PLEC: variants seen among roughly 807,000 people sequenced by gnomAD.
PLEC encodes the protein plectin.
PLEC carries 216 observed loss-of-function variants against 392.8 expected under a neutral mutation model. That is an observed-to-expected ratio of 0.55 (90% confidence interval 0.49 to 0.62). The LOEUF (loss-of-function observed/expected upper bound fraction) is 0.62, where lower values mean the gene tolerates loss of function less well. Ranked by LOEUF, PLEC falls within the 20% of genes least tolerant of loss-of-function variation. PLEC has a pLI of 0.00. For synonymous variants in PLEC, 3,621 were observed against 2,980.6 expected, an observed-to-expected ratio of 1.21 and a Z score of -7.00; for missense variants, 6,863 against 6,563.4, an observed-to-expected ratio of 1.05 and a Z score of -1.58.
intron 1 of PLEC, among the ~76,000 whole-genome samples, chr8:143,959,528 C>T (rs965116277): frequency 6.6e-6 from 1 of 152,260 alleles, no homozygotes; most frequent in African/African-American, 2.4e-5. Context: ...GCTCACCCTC[C>T]CGCTGGCTCT....
intron 12 of PLEC, among the ~76,000 whole-genome samples, chr8:143,933,735 G>A (rs1455629672): frequency 6.6e-5 from 10 of 152,164 alleles, no homozygotes; most frequent in African/African-American, 2.2e-4. Context: ...CTGTCGGGGA[G>A]GGGGCCTGGC....
In PLEC at chr8:143,933,993, C is replaced by T. The variant is rs781963430; in HGVS notation, c.1263+5G>A. On this transcript the variant is annotated splice_donor_5th_base_variant and intron_variant, in intron 12 of 31. Transcript: ENST00000345136. ...CCGCCCACTGCCTGCCCCACACCCCCTCACCGACTGCAGCAGGGCGTCGGC... is the reference window on the plus strand; with the variant it reads ...CCGCCCACTGCCTGCCCCACACCCCTTCACCGACTGCAGCAGGGCGTCGGC... 5 of 1,602,618 alleles carry T rather than the reference C, an allele frequency of 3.1e-6. No individual in the cohort carries two copies. The highest frequency in any genetic ancestry group is 4.2e-6 in the Non-Finnish European group (5 of 1,178,070).
At chr8:143,933,536 G>A (rs1587112290) in intron 12 of PLEC, among the ~76,000 whole-genome samples, 185 bp from the exon 13 acceptor site, 1 of 152,228 alleles carries the variant, frequency 6.6e-6, no homozygotes, top group East Asian at 1.9e-4. Flanking sequence ...GGGGGATTGG[G>A]ACCAAGTCCA....
At chr8:143,945,293 A>T (rs782057668) in intron 1 of PLEC, 1 of 451,526 alleles carries the variant, frequency 2.2e-6, no homozygotes, top group Non-Finnish European at 4.5e-6. Context: ...GGTCCCAGGG[A>T]TCTGGGATGG....
intron 1 of PLEC, chr8:143,944,659 T>A: frequency 7.4e-7 from 1 of 1,342,804 alleles, no homozygotes; most frequent in Non-Finnish European, 9.6e-7. Context: ...GGGCACGATC[T>A]TCATCGGGGA....
Position 143,919,857 on chromosome 8 carries a change from C to T in PLEC, c.9964G>A (p.Val3322Ile). Residue 3322 changes from valine to isoleucine, a missense_variant, in exon 32 of 32, where the codon GTC (valine) becomes ATC (isoleucine). Val to Ile is a conservative substitution (Grantham distance 29, BLOSUM62 3). Transcript: ENST00000345136. ...TGCTCAAACTGGGCTCTGCTGAGGA[C>T]CCCGGAAGCCAGGAGCTCGCTGGCT... is the stretch of plus-strand genomic sequence containing the variant. ...VPASELLASG[V>I]LSRAQFEQLK... 1 of 1,613,142 alleles carries T rather than the reference C, an allele frequency of 6.2e-7. No homozygotes were observed. Among genetic ancestry groups the T allele is most frequent in the South Asian group, 1.1e-5 (1 of 91,086 alleles).
Position 143,916,377 on chromosome 8 carries a change from C to T in PLEC, c.13444G>A (p.Gly4482Ser), listed in dbSNP as rs373807877. The T allele has an allele frequency of 3.8e-5, 61 of 1,610,380 alleles. No individual in the cohort carries two copies. Among genetic ancestry groups the T allele is most frequent in the Admixed American group, 6.7e-5 (4 of 59,938 alleles). ...KGYYSPYSVS[G>S]SGSTAGSRTG... ...CGGGAGCCAGCGGTAGAGCCGGAGC[C>T]GCTGACGCTGTAGGGGCTGTAGTAG... is the stretch of plus-strand genomic sequence containing the variant. Residue 4482 changes from glycine to serine, a missense_variant, in exon 32 of 32, where the codon GGC (glycine) becomes AGC (serine). Gly to Ser is a moderately conservative substitution (Grantham distance 56, BLOSUM62 0). Coordinates refer to ENST00000345136, the MANE Select transcript of PLEC (RefSeq NM_201384.3).
upstream of PLEC, chr8:143,975,234 C>A: frequency 6.2e-7 from 1 of 1,606,144 alleles, no homozygotes. The surrounding 1 kb of genome is among the most constrained non-coding windows in gnomAD (Gnocchi z 9.9). Flanking sequence ...TTGCTCCCAG[C>A]GCCACCCCCG....
rs181221383 is a variant in PLEC at position 143,969,016 on chromosome 8, A to G, written c.70+4387T>C. Among the ~76,000 whole-genome samples the G allele has an allele frequency of 3.3e-5, 5 of 152,364 alleles. No homozygotes were observed. Among genetic ancestry groups the G allele is most frequent in the African/African-American group, 1.2e-4 (5 of 41,580 alleles). On this transcript the variant is annotated intron_variant, in intron 1 of 31. Transcript: ENST00000356346. The surrounding 1 kb of genome is among the most constrained non-coding windows in gnomAD (Gnocchi z 5.1). ...CAATTCCACTCCTAGGTATCTACCC[A>G]GCAGAAATAAAAAACATACGACCAC...
chr8:143,974,995 G>C (rs1330986271), upstream of PLEC, among the ~76,000 whole-genome samples: 1 of 152,198 alleles, frequency 6.6e-6, no homozygotes, highest in African/African-American at 2.4e-5. This position sits in a 1 kb window ranked among gnomAD's most constrained non-coding sequence, Gnocchi z 5.9. Flanking sequence ...GAACCGCCTG[G>C]GCGCGGCCGG....
At position 143,931,850 on chromosome 8, in the gene PLEC, G is replaced by A. The variant is rs1345564279; in HGVS notation, c.2178+87C>T. On this transcript the variant is annotated intron_variant, in intron 18 of 31. Coordinates refer to ENST00000345136, the MANE Select transcript of PLEC (RefSeq NM_201384.3). Reference sequence around the variant, plus strand: ...AGCTGGCAACGTCTGCAGACAGGAGGGCTCCTGATTGGAGCTGCCGAGGGG... The same window carrying A: ...AGCTGGCAACGTCTGCAGACAGGAGAGCTCCTGATTGGAGCTGCCGAGGGG... 7.0e-6 allele frequency: 10 copies of A among 1,422,714 alleles called. No homozygotes were observed. In the African/African-American group the frequency reaches 7.1e-5, roughly 10 times the overall value. 88.1% of individuals were successfully genotyped at this position (1,422,714 alleles called of 1,614,324 possible). A position where few individuals can be genotyped will look rare whatever the true frequency, so the allele number is the denominator to read the frequency against.
intron 1 of PLEC, among the ~76,000 whole-genome samples, chr8:143,945,584 A>C (rs1554731764): frequency 6.6e-6 from 1 of 152,148 alleles, no homozygotes; most frequent in Non-Finnish European, 1.5e-5. Context: ...CTGGCACCAC[A>C]TGGAACCCTC....
rs782270594 is a variant in PLEC at position 143,924,773 on chromosome 8, C to T, written c.5156G>A (p.Arg1719Gln). 67 of 1,535,172 alleles carry T rather than the reference C, an allele frequency of 4.4e-5. No individual in the cohort carries two copies. Among genetic ancestry groups the T allele is most frequent in the South Asian group, 2.5e-4 (21 of 84,106 alleles). Residue 1719 changes from arginine (R) to glutamine (Q), a missense_variant, in exon 31 of 32, where the codon CGG (arginine) becomes CAG (glutamine). Transcript: ENST00000345136. Reference sequence around the variant, plus strand: ...CTGCTCCCCCTGCTCCGTCTCGGCCCGCAGCCGGATCAACTCCTGCTCCGC... The same window carrying T: ...CTGCTCCCCCTGCTCCGTCTCGGCCTGCAGCCGGATCAACTCCTGCTCCGC... ...LAAEQELIRL[R>Q]AETEQGEQQR...
intron 30 of PLEC, 115 bp downstream of exon 30, chr8:143,926,669 G>A: frequency 1.1e-6 from 1 of 877,362 alleles, no homozygotes; most frequent in Non-Finnish European, 1.9e-6. Flanking sequence ...AGCGCCAGTG[G>A]GGAGAGTGGG....
Position 143,920,769 on chromosome 8 carries a change from G to A in PLEC, c.9052C>T (p.Arg3018Trp), listed in dbSNP as rs782377244. 118 of 1,606,320 alleles carry A rather than the reference G, an allele frequency of 7.3e-5. No individual in the cohort carries two copies. The South Asian group carries it at 9.6e-4, about 13-fold the overall frequency. ...RDVAEVDTVR[R>W]ALRGANVIAG... ...ATGACGTTGGCACCCCGGAGAGCCC[G>A]CCGCACAGTGTCCACCTCGGCTACG... The change falls in exon 32 of 32, where the codon CGG becomes TGG. Residue 3018 changes from arginine to tryptophan, a missense_variant. Arg to Trp is a moderately radical substitution (Grantham distance 101). Transcript: ENST00000345136.
rs781983107 is a variant in PLEC at position 143,929,742 on chromosome 8, C to T, written c.2827G>A (p.Ala943Thr). The T allele has an allele frequency of 3.1e-5, 50 of 1,599,550 alleles. No individual in the cohort carries two copies. Among genetic ancestry groups the T allele is most frequent in the Non-Finnish European group, 4.0e-5 (47 of 1,179,128 alleles). Reference protein sequence around the residue: ...YQAFLRDSQDAGGFGPEDRLM... With the variant: ...YQAFLRDSQDTGGFGPEDRLM... ...CGGTCCTCGGGTCCGAAGCCGCCCG[C>T]GTCCTGGCTGTCCCGCAGGAAGGCC... Residue 943 changes from alanine (A) to threonine (T), a missense_variant, in exon 23 of 32, where the codon GCG becomes ACG. Physicochemically the swap from Ala to Thr is moderately conservative, Grantham distance 58. Transcript: ENST00000345136.
chr8:143,972,262 T>C (rs1249631607), intron 1 of PLEC, among the ~76,000 whole-genome samples: 4 of 152,124 alleles, frequency 2.6e-5, no homozygotes, highest in Admixed American at 1.3e-4. Context: ...GGGCCGGCCA[T>C]GTAGAGCATG....
Position 143,925,048 on chromosome 8 carries a change from T to G in PLEC, c.4881A>C (p.Ala1627=), listed in dbSNP as rs1824491897. Residue 1627 remains alanine, a synonymous_variant, in exon 31 of 32, where the codon GCA becomes GCC. Coordinates refer to ENST00000345136, the MANE Select transcript of PLEC (RefSeq NM_201384.3). The part of the protein sequence containing the change: ...QAEAERAREE[A]ERELERWQLK... Reference sequence around the variant, plus strand: ...GCTGCCAGCGCTCCAGCTCCCGCTCTGCCTCCTCGCGCGCCCGCTCGGCCT... The same window carrying G: ...GCTGCCAGCGCTCCAGCTCCCGCTCGGCCTCCTCGCGCGCCCGCTCGGCCT... 1 of 1,551,364 alleles carries G rather than the reference T, an allele frequency of 6.4e-7. No individual in the cohort carries two copies. The highest frequency in any genetic ancestry group is 1.4e-5 in the African/African-American group (1 of 73,322).
At chr8:143,959,102 C>G (rs565864636) in intron 1 of PLEC, among the ~76,000 whole-genome samples, 12 of 152,310 alleles carry the variant, frequency 7.9e-5, no homozygotes, top group Non-Finnish European at 1.2e-4. Context: ...CAGTGTGAGG[C>G]GAGGCTGCTG....
Sources: gnomAD v4.1 joint callset for allele counts (sites outside exome capture counted in the v4.1 genomes callset) on GRCh38, gnomAD v4.1.1 for gene constraint, Gnocchi (gnomAD v3.1) non-coding constraint, MANE v1.5 for transcripts, NCBI Gene and HGNC (gene_info 2026-07-23, HGNC 2026-07-21) for gene names.